The following CWC15 variants were observed in gnomAD, a reference collection of about 807,000 sequenced individuals.
The protein encoded by CWC15 is spliceosome-associated protein CWC15 homolog.
Under a neutral mutation model 28.4 loss-of-function variants are expected in CWC15, and 12 were observed. The ratio of observed to expected loss-of-function variants is 0.42; its 90% CI spans 0.27 to 0.69. CWC15 has a LOEUF of 0.69. Ranked by LOEUF, CWC15 falls within the 30% of genes least tolerant of loss-of-function variation. CWC15 has a pLI of 0.23. For synonymous variants in CWC15, 92 were observed against 88.4 expected, an observed-to-expected ratio of 1.04 and a Z score of -0.23; for missense variants, 192 against 271.5, an observed-to-expected ratio of 0.71 and a Z score of 2.06.
intron 5 of CWC15, among the ~76,000 whole-genome samples, chr11:94,966,651 C>T (rs1394163048): frequency 6.8e-6 from 1 of 147,506 alleles, no homozygotes; most frequent in East Asian, 2.0e-4. Context: ...TGATATCATA[C>T]AGTAATTAGT....
Position 94,971,396 on chromosome 11 carries a change from T to G in CWC15, c.223A>C (p.Asn75His). The change falls in exon 3 of 7, where the codon AAT (asparagine) becomes CAT (histidine). Residue 75 changes from asparagine (N) to histidine (H), a missense_variant. This residue lies in a region of CWC15 where 188 missense variants were observed against 250.3 expected (regional missense o/e 0.75). Coordinates refer to ENST00000279839, the MANE Select transcript of CWC15 (RefSeq NM_016403.4). ...GTACCTCGGGTTGGACGATCCCTAT[T>G]TTTCTCTCTTGCAGCAGCTCTCTCT... is the stretch of plus-strand genomic sequence containing the variant. ...ERERAAAREK[N>H]RDRPTREHTT... is the part of the protein sequence containing the mutation. 6.2e-7 allele frequency: 1 copy of G among 1,612,548 alleles called. No individual in the cohort carries two copies. The highest frequency in any genetic ancestry group is 8.5e-7 in the Non-Finnish European group (1 of 1,179,168).
chr11:94,965,758 G>A (rs1438898854), intron 6 of CWC15, among the ~76,000 whole-genome samples: 1 of 152,162 alleles, frequency 6.6e-6, no homozygotes, highest in Non-Finnish European at 1.5e-5. Context: ...TGTCCTTGCT[G>A]GGGGAAACAA....
intron 6 of CWC15, among the ~76,000 whole-genome samples, chr11:94,964,319 C>T (rs1857610546): frequency 6.6e-6 from 1 of 152,114 alleles, no homozygotes; most frequent in Non-Finnish European, 1.5e-5. Flanking sequence ...GGAGAAACTG[C>T]ACATGGGAAC....
rs1857584851 is a variant in CWC15, at chr11:94,962,684, A to G, written c.*701T>C. 1 of 152,252 alleles carries G rather than the reference A, an allele frequency of 6.6e-6. No homozygotes were observed. Among genetic ancestry groups the G allele is most frequent in the Non-Finnish European group, 1.5e-5 (1 of 68,046 alleles). 9.4% of individuals were successfully genotyped at this position (152,252 alleles called of 1,614,324 possible). Reference sequence around the variant, plus strand: ...CTTTCTCAGGCTTTGCACTAAATGCATGTCAGGTGCATATTCAATCTCTTT... The same window carrying G: ...CTTTCTCAGGCTTTGCACTAAATGCGTGTCAGGTGCATATTCAATCTCTTT... On this transcript the variant is annotated 3_prime_UTR_variant, in exon 7 of 7. Coordinates refer to ENST00000279839, the MANE Select transcript of CWC15 (RefSeq NM_016403.4).
chr11:94,969,980 T>A lies in CWC15; in HGVS notation c.441+9A>T. The A allele has an allele frequency of 6.6e-7, 1 of 1,505,626 alleles. No homozygotes were observed. The highest frequency in any genetic ancestry group is 8.9e-7 in the Non-Finnish European group (1 of 1,127,814). 93.3% of individuals were successfully genotyped at this position (1,505,626 alleles called of 1,614,324 possible). On this transcript the variant is annotated intron_variant, in intron 5 of 6. Coordinates refer to ENST00000279839, the MANE Select transcript of CWC15 (RefSeq NM_016403.4). ...AGATAGATGTAAATATTTAATACTT[T>A]GGTTTTACCTTCCTGGCCTGCTCTT...
chr11:94,965,658 C>T (rs1456481861), intron 6 of CWC15, among the ~76,000 whole-genome samples: 3 of 152,178 alleles, frequency 2.0e-5, no homozygotes, highest in African/African-American at 7.2e-5. Context: ...GCAAAAGCTG[C>T]GTACATGACT....
intron 6 of CWC15, among the ~76,000 whole-genome samples, chr11:94,965,959 G>A (rs1555095173): frequency 6.6e-6 from 1 of 152,106 alleles, no homozygotes; most frequent in Non-Finnish European, 1.5e-5. Context: ...AGGCCATCTT[G>A]AGGACCCTTG....
Position 94,962,994 on chromosome 11 carries a change from CAG to C in CWC15, c.*389_*390del, listed in dbSNP as rs111976367. On this transcript the variant is annotated 3_prime_UTR_variant, in exon 7 of 7. Coordinates refer to ENST00000279839, the MANE Select transcript of CWC15 (RefSeq NM_016403.4). ...TAACTCATCTTAAATGTGAGAGAAA[CAG>C]GGGGAAAAGGACAAGTTAATGCACA... 0.012 allele frequency: 1,817 copies of C among 153,450 alleles called. 47 individuals carry two copies. The highest frequency in any genetic ancestry group is 0.041 in the African/African-American group (1,708 of 41,570). The allele number at this position is 153,450 out of a possible 1,614,324, so 9.5% of individuals were successfully genotyped here.
intron 3 of CWC15, 88 bp downstream of exon 3, chr11:94,971,287 A>C (rs1857716013): frequency 8.7e-7 from 1 of 1,146,368 alleles, no homozygotes; most frequent in African/African-American, 1.5e-5. Flanking sequence ...AAAAGTAAAC[A>C]AATGGTTAAC....
In CWC15 at chr11:94,963,304, G is replaced by T; in HGVS notation, c.*81C>A. ...AAGCCCACACACAATTTAGACAGGG[G>T]AAAAGAAAAAAAAAACTCATAAAAA... is the stretch of plus-strand genomic sequence containing the variant. On this transcript the variant is annotated 3_prime_UTR_variant, in exon 7 of 7. Transcript: ENST00000279839. 8.7e-7 allele frequency: 1 copy of T among 1,148,942 alleles called. No individual in the cohort carries two copies. The highest frequency in any genetic ancestry group is 1.2e-6 in the Non-Finnish European group (1 of 864,734). 71.2% of individuals were successfully genotyped at this position (1,148,942 alleles called of 1,614,324 possible).
At position 94,963,372 on chromosome 11, in the gene CWC15, A is replaced by G; in HGVS notation, c.*13T>C. ...TACGTTTTACAGTCTTTAATTAAGC[A>G]CATAAAACTGTACTATTTAATATAT... On this transcript the variant is annotated 3_prime_UTR_variant, in exon 7 of 7. Coordinates refer to ENST00000279839, the MANE Select transcript of CWC15 (RefSeq NM_016403.4). The G allele has an allele frequency of 6.4e-7, 1 of 1,551,930 alleles. No homozygotes were observed. The highest frequency in any genetic ancestry group is 8.7e-7 in the Non-Finnish European group (1 of 1,147,940).
intron 6 of CWC15, among the ~76,000 whole-genome samples, chr11:94,964,510 T>C (rs1857612836): frequency 6.6e-6 from 1 of 152,200 alleles, no homozygotes; most frequent in Admixed American, 6.5e-5. Context: ...AAGAACAAAC[T>C]ATATAGCTTT....
intron 1 of CWC15, chr11:94,973,160 C>T (rs1454410725): frequency 1.3e-5 from 2 of 152,402 alleles, no homozygotes; most frequent in African/African-American, 4.8e-5. Context: ...CACACACCCA[C>T]GGAATTATCA....
intron 1 of CWC15, among the ~76,000 whole-genome samples, chr11:94,972,735 G>A (rs1202731330): frequency 6.6e-6 from 1 of 152,116 alleles, no homozygotes; most frequent in Non-Finnish European, 1.5e-5. Flanking sequence ...CCAGAGAAAA[G>A]TGTGTTAAAC....
At position 94,963,127 on chromosome 11, in the gene CWC15, GATTAAAAATATTT is replaced by G. The variant is rs2134096808; in HGVS notation, c.*245_*257del. 1 of 256,068 alleles carries G rather than the reference GATTAAAAATATTT, an allele frequency of 3.9e-6. No homozygotes were observed. Among genetic ancestry groups the G allele is most frequent in the Admixed American group, 5.4e-5 (1 of 18,502 alleles). The allele number at this position is 256,068 out of a possible 1,614,324, so 15.9% of individuals were successfully genotyped here. On this transcript the variant is annotated 3_prime_UTR_variant, in exon 7 of 7. Coordinates refer to ENST00000279839, the MANE Select transcript of CWC15 (RefSeq NM_016403.4). ...TTGGGCACCCAGATTTGGTTATTTA[GATTAAAAATATTT>G]ATTACAGGCAGATTTGCTTTTCCCA...
intron 2 of CWC15, among the ~76,000 whole-genome samples, 178 bp downstream of exon 2, chr11:94,971,877 T>C (rs1555096296): frequency 6.6e-6 from 1 of 152,230 alleles, no homozygotes; most frequent in Non-Finnish European, 1.5e-5. Context: ...AATTCCTGGT[T>C]AGTAGGAATT....
chr11:94,969,199 T>C (rs1325278122), intron 5 of CWC15, among the ~76,000 whole-genome samples: 1 of 152,214 alleles, frequency 6.6e-6, no homozygotes, highest in Non-Finnish European at 1.5e-5. Context: ...TATCAGCATC[T>C]AATTACTTAC....
At chr11:94,967,334 T>C (rs1012481162) in intron 5 of CWC15, among the ~76,000 whole-genome samples, 7 of 152,204 alleles carry the variant, frequency 4.6e-5, no homozygotes, top group African/African-American at 1.7e-4. Flanking sequence ...CCTCAGTTTC[T>C]ATTTTTATAC....
intron 5 of CWC15, among the ~76,000 whole-genome samples, chr11:94,967,418 C>G (rs1857661505): frequency 6.6e-6 from 1 of 152,152 alleles, no homozygotes; most frequent in South Asian, 2.1e-4. Flanking sequence ...AAAGTCAAAT[C>G]ACCCTGAGTT....
Sources: allele counts gnomAD v4.1 joint callset (sites outside exome capture counted in the v4.1 genomes callset), GRCh38; gene constraint gnomAD v4.1.1; regional missense constraint gnomAD v4.1.1; transcripts MANE v1.5; gene names NCBI Gene and HGNC (gene_info 2026-07-23, HGNC 2026-07-21).